ATP2C1: variants seen among roughly 807,000 people sequenced by gnomAD.
ATP2C1 encodes calcium-transporting ATPase type 2C member 1.
In ATP2C1, 31 loss-of-function variants were observed where a neutral mutation model predicts 120.5. The ratio of observed to expected loss-of-function variants is 0.26; its 90% CI spans 0.19 to 0.35. The LOEUF (loss-of-function observed/expected upper bound fraction) is 0.35, where lower values mean the gene tolerates loss of function less well. ATP2C1 is among the 10% of genes least tolerant of loss of function. The pLI, the probability that ATP2C1 is intolerant of heterozygous loss-of-function variation, is 1.00. For synonymous variants in ATP2C1, 351 were observed against 358.7 expected, an observed-to-expected ratio of 0.98 and a Z score of 0.24; for missense variants, 731 against 1,107.5, an observed-to-expected ratio of 0.66 and a Z score of 4.83.
chr3:130,887,898 G>A (rs907267351), intron 1 of ATP2C1, among the ~76,000 whole-genome samples: 7 of 152,122 alleles, frequency 4.6e-5, no homozygotes, highest in Non-Finnish European at 7.4e-5. Flanking sequence ...CTAGCAAGAG[G>A]AGTCTCTCAC....
intron 17 of ATP2C1, among the ~76,000 whole-genome samples, chr3:130,973,476 T>C (rs2061417588): frequency 6.6e-6 from 1 of 152,088 alleles, no homozygotes; most frequent in South Asian, 2.1e-4. Context: ...CCATGAATAA[T>C]ATTGAACCTT....
At chr3:130,985,651 G>A (rs1460773955) in intron 20 of ATP2C1, among the ~76,000 whole-genome samples, 20 of 42,162 alleles carry the variant, frequency 4.7e-4, no homozygotes, top group Admixed American at 2.7e-3. Flanking sequence ...CACCTCCCCC[G>A]CCCCACCAAA....
At chr3:130,963,806 GGTA>G (rs2060933480) in intron 12 of ATP2C1, 162 bp from the exon 13 acceptor site, 3 of 762,596 alleles carry the variant, frequency 3.9e-6, no homozygotes, top group Non-Finnish European at 6.3e-6. Context: ...GCAGCTACTA[GGTA>G]TCCAGTAAAT....
intron 5 of ATP2C1, among the ~76,000 whole-genome samples, chr3:130,937,037 T>G (rs1453427373): frequency 6.6e-6 from 1 of 152,154 alleles, no homozygotes; most frequent in African/African-American, 2.4e-5. Context: ...GAAAATTTAT[T>G]TTTCATAAAG....
chr3:130,959,419 T>C (rs2760271), intron 12 of ATP2C1, 78 bp downstream of exon 12: 174,969 of 937,916 alleles, frequency 0.19, 17,560 homozygotes, highest in African/African-American at 0.28. Context: ...CGTTTTATTA[T>C]GGAGATCAGT....
chr3:130,867,824 G>A (rs1347523982), intron 1 of ATP2C1, among the ~76,000 whole-genome samples: 1 of 131,968 alleles, frequency 7.6e-6, no homozygotes, highest in Non-Finnish European at 1.6e-5. Context: ...CTGCCCGGCC[G>A]CCATCCCATC....
intron 2 of ATP2C1, among the ~76,000 whole-genome samples, chr3:130,915,160 C>G (rs1051543340): frequency 6.6e-6 from 1 of 151,392 alleles, no homozygotes; most frequent in Non-Finnish European, 1.5e-5. Flanking sequence ...ATGGCGTGAT[C>G]TTGGCTCACT....
intron 1 of ATP2C1, chr3:130,868,629 T>G (rs1576549407): frequency 9.6e-5 from 2 of 20,922 alleles, no homozygotes; most frequent in Non-Finnish European, 1.1e-4. Context: ...TACTGGGAAG[T>G]GAGGACCCCT....
chr3:130,924,196 G>A (rs997868841), intron 2 of ATP2C1, among the ~76,000 whole-genome samples: 1 of 150,356 alleles, frequency 6.7e-6, no homozygotes, highest in Admixed American at 6.6e-5. Flanking sequence ...TGAGATATAT[G>A]CTTTAAGGAA....
intron 18 of ATP2C1, 113 bp from the exon 19 acceptor site, chr3:130,979,136 T>G (rs577092199): frequency 1.0e-6 from 1 of 986,598 alleles, no homozygotes; most frequent in South Asian, 1.4e-5. Flanking sequence ...GACATTATAG[T>G]CTTAAGTGAT....
Position 130,875,802 on chromosome 3 carries a change from C to T in ATP2C1, c.108+24874C>T, listed in dbSNP as rs558184660. 2.0e-5 allele frequency among the ~76,000 whole-genome samples: 3 copies of T among 151,678 alleles called. No homozygotes were observed. In the South Asian group the frequency reaches 6.2e-4, roughly 32 times the overall value. On this transcript the variant is annotated intron_variant, in intron 1 of 26. Coordinates refer to the ATP2C1 transcript ENST00000504381. ...CATTTGTTAGTTTTTGTCTTTTTGA[C>T]AATAGTCATTCTAACAAGTGTGAGG...
chr3:130,990,876 T>G (rs368164067), intron 20 of ATP2C1, among the ~76,000 whole-genome samples: 1 of 152,180 alleles, frequency 6.6e-6, no homozygotes, highest in East Asian at 1.9e-4. Flanking sequence ...CCTCAGCAAC[T>G]GCACATATGT....
intron 20 of ATP2C1, among the ~76,000 whole-genome samples, chr3:130,991,262 C>T (rs562310537): frequency 3.6e-4 from 55 of 152,108 alleles, no homozygotes; most frequent in Middle Eastern, 3.4e-3. Context: ...TAATCAGCTA[C>T]GTTAGGGTGC....
At position 130,975,536 on chromosome 3, in the gene ATP2C1, C is replaced by G. The variant is rs1366311294; in HGVS notation, c.1570+48C>G. 6 of 1,581,118 alleles carry G rather than the reference C, an allele frequency of 3.8e-6. No homozygotes were observed. In the South Asian group the frequency reaches 4.5e-5, roughly 12 times the overall value. On this transcript the variant is annotated intron_variant, in intron 18 of 27. Coordinates refer to ENST00000510168, the MANE Select transcript of ATP2C1 (RefSeq NM_001378687.1). ...CCCTGGGGTGGAAAGGTAGAGCCTT[C>G]TTTTAATTGCAGATGAATTCATGCT...
At chr3:130,858,892 G>A (rs2760258) in intron 1 of ATP2C1, among the ~76,000 whole-genome samples, 46,144 of 151,960 alleles carry the variant, frequency 0.3, 7,285 homozygotes, top group East Asian at 0.43. Flanking sequence ...GGGAGGTTCC[G>A]GAGGAAATAA....
At chr3:130,995,005 T>A (rs1206502065) in intron 22 of ATP2C1, among the ~76,000 whole-genome samples, 1 of 152,206 alleles carries the variant, frequency 6.6e-6, no homozygotes, top group Non-Finnish European at 1.5e-5. Flanking sequence ...AACACGTAGC[T>A]TAAATTCTAT....
At chr3:130,930,906 G>GT (rs1038312024) in intron 3 of ATP2C1, among the ~76,000 whole-genome samples, 6 of 152,074 alleles carry the variant, frequency 3.9e-5, no homozygotes, top group Admixed American at 1.3e-4. Context: ...AATAATTAAC[G>GT]TAAGTAGTGG....
rs11403338 is a variant in ATP2C1 at position 131,001,104 on chromosome 3, G to GA, written c.2630-93dup. The GA allele has an allele frequency of 0.45, 153,759 of 339,648 alleles. 32,226 individuals carry two copies. The highest frequency in any genetic ancestry group is 0.59 in the African/African-American group (15,631 of 26,332). The allele number at this position is 339,648 out of a possible 1,614,324, so 21.0% of individuals were successfully genotyped here. On this transcript the variant is annotated intron_variant, in intron 27 of 27. Transcript: ENST00000510168. ...GGTGACAGAGCAAGACTTCATCTCA[G>GA]AAAAAAAAAAAAAAAAAAAAAAAGT...
At chr3:130,882,807 G>T (rs1745646) in intron 1 of ATP2C1, among the ~76,000 whole-genome samples, 73,046 of 152,024 alleles carry the variant, frequency 0.48, 19,538 homozygotes, top group Non-Finnish European at 0.6. Context: ...ACACCAGCCT[G>T]TAGATTTTTT....
Sources: gnomAD v4.1 joint callset for allele counts (sites outside exome capture counted in the v4.1 genomes callset) on GRCh38, gnomAD v4.1.1 for gene constraint, MANE v1.5 for transcripts, NCBI Gene and HGNC (gene_info 2026-07-23, HGNC 2026-07-21) for gene names.